The following SOX5 variants were observed in gnomAD, a reference collection of about 807,000 sequenced individuals.
SOX5 encodes the protein transcription factor SOX-5.
A neutral mutation model predicts 92.0 loss-of-function variants in SOX5; 9 were observed. The observed-to-expected ratio is 0.10, with a 90% CI of 0.06 to 0.17. SOX5 has a LOEUF of 0.17. Ranked by LOEUF, SOX5 falls within the 10% of genes least tolerant of loss-of-function variation. The probability of loss-of-function intolerance (pLI) is 1.00; values close to 1 mark genes in which losing one functional copy is unlikely to be tolerated. For synonymous variants in SOX5, 344 were observed against 336.3 expected, an observed-to-expected ratio of 1.02 and a Z score of -0.25; for missense variants, 642 against 944.5, an observed-to-expected ratio of 0.68 and a Z score of 4.20.
At chr12:24,522,135 T>C (rs903047236) in intron 1 of SOX5, among the ~76,000 whole-genome samples, 3 of 151,370 alleles carry the variant, frequency 2.0e-5, no homozygotes, top group Non-Finnish European at 2.9e-5. Context: ...TAAGAAACTA[T>C]TATGAACAAT....
In SOX5 at chr12:23,792,078, A is replaced by G. The variant is rs1013797379; in HGVS notation, c.482-36354T>C. 1.0e-3 allele frequency among the ~76,000 whole-genome samples: 152 copies of G among 152,020 alleles called. 5 individuals carry two copies. Among genetic ancestry groups the G allele is most frequent in the Admixed American group, 9.8e-3 (150 of 15,268 alleles). On this transcript the variant is annotated intron_variant, in intron 3 of 14. Coordinates refer to ENST00000451604, the MANE Select transcript of SOX5 (RefSeq NM_006940.6). ...AAATAGTATCTAAGTTTTCATTTTT[A>G]TATGTGAAAATTATAATATAGAAAG...
chr12:23,810,773 G>T (rs575326002), intron 3 of SOX5, among the ~76,000 whole-genome samples: 1 of 152,102 alleles, frequency 6.6e-6, no homozygotes, highest in South Asian at 2.1e-4. Flanking sequence ...CTTGTCCAAG[G>T]TCTTTGACCC....
At chr12:23,939,374 C>A (rs2139477172) in intron 1 of SOX5, among the ~76,000 whole-genome samples, 1 of 150,860 alleles carries the variant, frequency 6.6e-6, no homozygotes, top group Non-Finnish European at 1.5e-5. Context: ...TATTTTCTTT[C>A]TTTCTTTTTT....
chr12:24,252,620 C>A (rs936046374), intron 3 of SOX5, among the ~76,000 whole-genome samples: 1 of 149,948 alleles, frequency 6.7e-6, no homozygotes, highest in Non-Finnish European at 1.5e-5. Flanking sequence ...TGTAAGTCTG[C>A]AAGATTTGGC....
intron 1 of SOX5, among the ~76,000 whole-genome samples, chr12:23,904,405 G>A (rs558749096): frequency 2.0e-5 from 3 of 151,980 alleles, no homozygotes; most frequent in African/African-American, 7.2e-5. Flanking sequence ...AATATAAATT[G>A]AAGTAGAAAC....
intron 1 of SOX5, among the ~76,000 whole-genome samples, chr12:23,935,834 T>C (rs1327056698): frequency 6.6e-6 from 1 of 151,194 alleles, no homozygotes; most frequent in Non-Finnish European, 1.5e-5. Context: ...AAGAAATATC[T>C]GCCACTAAAA....
intron 6 of SOX5, among the ~76,000 whole-genome samples, chr12:23,694,662 A>G (rs1323685894): frequency 2.0e-5 from 3 of 152,230 alleles, no homozygotes; most frequent in Non-Finnish European, 4.4e-5. Flanking sequence ...TTCTATCACC[A>G]CAAACACCCT....
intron 1 of SOX5, among the ~76,000 whole-genome samples, chr12:24,450,196 A>T (rs11047451): frequency 0.31 from 46,390 of 151,950 alleles, 7,308 homozygotes; most frequent in Middle Eastern, 0.37. Flanking sequence ...ACTGCAAAAT[A>T]TACCTACTTT....
At chr12:23,791,234 C>T (rs1043895281) in intron 3 of SOX5, among the ~76,000 whole-genome samples, 8 of 152,160 alleles carry the variant, frequency 5.3e-5, no homozygotes, top group Non-Finnish European at 1.2e-4. Context: ...ATTACATATT[C>T]GGCTTCTATT....
chr12:23,622,256 A>C (rs1256515064), intron 8 of SOX5, among the ~76,000 whole-genome samples: 1 of 152,042 alleles, frequency 6.6e-6, no homozygotes, highest in Non-Finnish European at 1.5e-5. Context: ...GGTTTGGTGT[A>C]TATTTTCATT....
At chr12:24,092,408 T>C (rs1944764857) in intron 4 of SOX5, among the ~76,000 whole-genome samples, 1 of 152,094 alleles carries the variant, frequency 6.6e-6, no homozygotes. Flanking sequence ...AGCAGAACAT[T>C]ATTCTTCTTA....
At chr12:24,417,459 G>A (rs1461332986) in intron 1 of SOX5, among the ~76,000 whole-genome samples, 1 of 152,150 alleles carries the variant, frequency 6.6e-6, no homozygotes, top group African/African-American at 2.4e-5. Context: ...CCCTTTCCAA[G>A]ATGATACCAT....
chr12:23,617,191 C>G (rs557048687), intron 8 of SOX5, among the ~76,000 whole-genome samples: 7 of 150,314 alleles, frequency 4.7e-5, no homozygotes, highest in African/African-American at 1.7e-4. Flanking sequence ...AAAATGTTAC[C>G]AACTTCAGAA....
chr12:24,409,953 G>A (rs1435698879), intron 1 of SOX5, among the ~76,000 whole-genome samples: 2 of 148,708 alleles, frequency 1.3e-5, no homozygotes, highest in Non-Finnish European at 1.5e-5. Flanking sequence ...TTGGTTTTTC[G>A]TCTGTAGCTT....
At position 23,741,531 on chromosome 12, in the gene SOX5, G is replaced by T. The variant is rs2093796704; in HGVS notation, c.569-492C>A. On this transcript the variant is annotated intron_variant, in intron 4 of 14. Transcript: ENST00000451604. ...CAAAGACACAAAAAACTAATAGCCA[G>T]AGTTATTAAGAGGTCAAGGCATTAG... 2.0e-5 allele frequency among the ~76,000 whole-genome samples: 3 copies of T among 152,006 alleles called. No homozygotes were observed. In the South Asian group the frequency reaches 6.2e-4, roughly 31 times the overall value.
intron 4 of SOX5, among the ~76,000 whole-genome samples, chr12:24,163,204 T>C (rs187416895): frequency 8.5e-5 from 13 of 152,234 alleles, no homozygotes; most frequent in Admixed American, 7.9e-4. Flanking sequence ...AATGACACAA[T>C]AGGGCTTTCA....
At position 23,868,265 on chromosome 12, in the gene SOX5, T is replaced by C. The variant is rs191771356; in HGVS notation, c.271-22072A>G. ...CTCCACTTCGTATTTCTAGGGAAGA[T>C]AAGAATGTTAAGATTTCTTTCTGCT... On this transcript the variant is annotated intron_variant, in intron 2 of 14. Transcript: ENST00000451604. Among the ~76,000 whole-genome samples the C allele has an allele frequency of 4.2e-3, 638 of 152,272 alleles. 3 individuals are homozygous for C. Among genetic ancestry groups the C allele is most frequent in the Middle Eastern group, 0.01 (3 of 294 alleles).
At chr12:24,436,647 A>C (rs368728711) in intron 1 of SOX5, among the ~76,000 whole-genome samples, 1 of 152,158 alleles carries the variant, frequency 6.6e-6, no homozygotes, top group African/African-American at 2.4e-5. Context: ...AATATCCAGA[A>C]GATCTAGCTG....
At chr12:24,000,093 T>G (rs1271345551) in intron 4 of SOX5, among the ~76,000 whole-genome samples, 3 of 151,190 alleles carry the variant, frequency 2.0e-5, no homozygotes. Flanking sequence ...TTGTGTATTA[T>G]ATATCTATTA....
Sources: allele counts gnomAD v4.1 joint callset (sites outside exome capture counted in the v4.1 genomes callset), GRCh38; gene constraint gnomAD v4.1.1; transcripts MANE v1.5; gene names NCBI Gene and HGNC (gene_info 2026-07-23, HGNC 2026-07-21).